Variants in LIPE observed in about 807,000 individuals in gnomAD.
LIPE encodes the protein hormone-sensitive lipase.
Under a neutral mutation model 88.5 loss-of-function variants are expected in LIPE, and 66 were observed. The observed-to-expected ratio is 0.75, with a 90% CI of 0.61 to 0.91. The LOEUF (loss-of-function observed/expected upper bound fraction) is 0.91. Ranked by LOEUF, LIPE falls within the 40% of genes least tolerant of loss-of-function variation. The pLI, the probability that LIPE is intolerant of heterozygous loss-of-function variation, is 0.00. For synonymous variants in LIPE, 570 were observed against 617.5 expected (o/e 0.92, Z 1.14); for missense variants, 1,346 against 1,434.7 (o/e 0.94, Z 1.00).
chr19:42,423,332 T>C, intron 1 of LIPE: 2 of 1,034,866 alleles, frequency 1.9e-6, no homozygotes, highest in Admixed American at 2.6e-5. Flanking sequence ...CAACTCCCTG[T>C]GGCAGTGGGC....
chr19:42,408,113 C>T lies in LIPE; in HGVS notation c.1519G>A (p.Ala507Thr), dbSNP rs747278078. 25 of 1,613,698 alleles carry T rather than the reference C, an allele frequency of 1.5e-5. No individual in the cohort carries two copies. Among genetic ancestry groups the T allele is most frequent in the Non-Finnish European group, 1.9e-5 (23 of 1,179,926 alleles). The stretch of plus-strand genomic sequence containing the variant: ...CGGCCGCTGGTGAAGAGAGAGCTGG[C>T]GGCCACACCTAGGGGTCAGAAGGGG... Reference protein sequence around the residue: ...KRNETGLSVAASSLFTSGRFA... With the variant: ...KRNETGLSVATSSLFTSGRFA... The change falls in exon 4 of 10, where the codon GCC becomes ACC. Residue 507 changes from alanine (A) to threonine (T), a missense_variant. Transcript: ENST00000244289. This position sits in a 1 kb window ranked among gnomAD's most constrained non-coding sequence, Gnocchi z 4.3.
chr19:42,426,591 G>A lies in LIPE; in HGVS notation c.559C>T (p.Gln187Ter). Residue 187 changes from glutamine (Q) to a stop codon, truncating the protein, a stop_gained, in exon 1 of 10, where the codon CAA becomes TAA. Coordinates refer to ENST00000244289, the MANE Select transcript of LIPE (RefSeq NM_005357.4). LOFTEE classifies it high-confidence loss of function. ...SQETPEQSDK[Q>*]TTPVQGAKSK... ...TTGGCTCCCTGGACTGGCGTTGTTTGCTTGTCTGACTGTTCAGGTGTCTCT... is the reference window on the plus strand; with the variant it reads ...TTGGCTCCCTGGACTGGCGTTGTTTACTTGTCTGACTGTTCAGGTGTCTCT... The A allele has an allele frequency of 1.9e-6, 3 of 1,614,220 alleles. No homozygotes were observed. The highest frequency in any genetic ancestry group is 2.5e-6 in the Non-Finnish European group (3 of 1,180,038).
rs1284962495 is a variant in LIPE, at chr19:42,410,566, A to G, written c.1160T>C (p.Leu387Pro). The change falls in exon 2 of 10, where the codon CTC becomes CCC. Residue 387 changes from leucine to proline, a missense_variant. By Grantham distance (98) the Leu-to-Pro change is moderately conservative. Coordinates refer to ENST00000244289, the MANE Select transcript of LIPE (RefSeq NM_005357.4). This position sits in a 1 kb window ranked among gnomAD's most constrained non-coding sequence, Gnocchi z 6.1. ...VHTARCCLAH[L>P]LHKSRYVASN... ...GGCCACATAGCGGGATTTGTGCAGG[A>G]GGTGCGCCAGGCAGCAGCGGGCTGT... is the stretch of plus-strand genomic sequence containing the variant. The G allele has an allele frequency of 1.2e-6, 2 of 1,612,854 alleles. No homozygotes were observed. Among genetic ancestry groups the G allele is most frequent in the East Asian group, 2.2e-5 (1 of 44,866 alleles).
At position 42,426,433 on chromosome 19, in the gene LIPE, T is replaced by A. The variant is rs1271244586; in HGVS notation, c.717A>T (p.Gly239=). Residue 239 remains glycine (G), a synonymous_variant, in exon 1 of 10, where the codon GGA becomes GGT. Transcript: ENST00000244289. ...VTDSESESDV[G]SSSDTDSPAT... is the part of the protein sequence containing the mutation. ...CTGGAGAATCTGTGTCTGAAGATGATCCCACATCTGATTCTGACTCAGAAT... is the reference window on the plus strand; with the variant it reads ...CTGGAGAATCTGTGTCTGAAGATGAACCCACATCTGATTCTGACTCAGAAT... 6.2e-7 allele frequency: 1 copy of A among 1,613,946 alleles called. No individual in the cohort carries two copies. Among genetic ancestry groups the A allele is most frequent in the Non-Finnish European group, 8.5e-7 (1 of 1,179,954 alleles).
chr19:42,402,338 C>T (rs2040006761), intron 9 of LIPE, among the ~76,000 whole-genome samples: 1 of 151,928 alleles, frequency 6.6e-6, no homozygotes, highest in African/African-American at 2.4e-5. Context: ...CCAAACCCAC[C>T]TTTTTTTTCT....
rs2040030177 is a variant in LIPE, at chr19:42,402,855, A to G, written c.2719T>C (p.Ser907Pro). Residue 907 changes from serine (S) to proline (P), a missense_variant, in exon 9 of 10, where the codon TCC (serine) becomes CCC (proline). Transcript: ENST00000244289. ...SAETLSPSTP[S>P]DVNFLLPPED... ...GGTGGTAATAAGAAGTTGACATCGG[A>G]GGGTGTGGAGGGGCTAAGTGTCTCA... 1 of 1,612,536 alleles carries G rather than the reference A, an allele frequency of 6.2e-7. No individual in the cohort carries two copies. The highest frequency in any genetic ancestry group is 1.3e-5 in the African/African-American group (1 of 74,374).
Position 42,403,029 on chromosome 19 carries a change from G to A in LIPE, c.2545C>T (p.Pro849Ser). Residue 849 changes from proline (P) to serine (S), a missense_variant and splice_region_variant, in exon 9 of 10, where the codon CCG becomes TCG. Transcript: ENST00000244289. ...GCTTCAGACACACTGCGGCGCATCG[G>A]CTCTGAGAGAGGGAGAGCAGATAGG... is the stretch of plus-strand genomic sequence containing the variant. Reference protein sequence around the residue: ...SQKMSEPIAEPMRRSVSEAAL... With the variant: ...SQKMSEPIAESMRRSVSEAAL... 2.6e-6 allele frequency: 4 copies of A among 1,550,526 alleles called. No individual in the cohort carries two copies. Among genetic ancestry groups the A allele is most frequent in the Admixed American group, 1.8e-5 (1 of 54,534 alleles).
rs1420241605 is a variant in LIPE, at chr19:42,410,658, C to G, written c.1068G>C (p.Leu356=). The G allele has an allele frequency of 3.1e-6, 5 of 1,612,410 alleles. No homozygotes were observed. The highest frequency in any genetic ancestry group is 3.3e-5 in the Admixed American group (2 of 59,904). Residue 356 remains leucine, a synonymous_variant, in exon 2 of 10, where the codon CTG becomes CTC. Coordinates refer to ENST00000244289, the MANE Select transcript of LIPE (RefSeq NM_005357.4). The surrounding 1 kb of genome is among the most constrained non-coding windows in gnomAD (Gnocchi z 6.1). ...CCAGGTCAAAGAGGTGCGCCACACC[C>G]AGCAGGCGGCCCAGGGCCGGCTCCA... The part of the protein sequence containing the change: ...LGLEPALGRL[L]GVAHLFDLDP...
At position 42,401,830 on chromosome 19, in the gene LIPE, G is replaced by GACCCCC; in HGVS notation, c.3212_3213insGGGGGT (p.Gly1071_Cys1072insGlyVal). ...CAGGCTTTTAGTGTCGCCCCCCGCAGCCCCCGTCTACCCCCGCAGCCCCCG... is the reference window on the plus strand; with the variant it reads ...CAGGCTTTTAGTGTCGCCCCCCGCAGACCCCCCCCCCGTCTACCCCCGCAGCCCCCG... On this transcript the variant is annotated inframe_insertion, in exon 10 of 10. Transcript: ENST00000244289. The GACCCCC allele has an allele frequency of 1.2e-6, 1 of 838,112 alleles. No homozygotes were observed. Among genetic ancestry groups the GACCCCC allele is most frequent in the Non-Finnish European group, 1.7e-6 (1 of 574,050 alleles). 51.9% of individuals were successfully genotyped at this position (838,112 alleles called of 1,614,324 possible). A position where few individuals can be genotyped will look rare whatever the true frequency, so the allele number is the denominator to read the frequency against.
At chr19:42,423,634 ACCCAAT>A (rs1456370152) in intron 1 of LIPE, 1 of 1,171,082 alleles carries the variant, frequency 8.5e-7, no homozygotes, top group African/African-American at 1.6e-5. Flanking sequence ...CCCCCCTATT[ACCCAAT>A]CCCGAGCTTG....
At position 42,427,216 on chromosome 19, in the gene LIPE, C is replaced by T; in HGVS notation, c.-67G>A. ...TCCTTCTGGGCTCCCACCCAGCCCTCTCTCTTCACAGATCTCTCATTGATT... is the reference window on the plus strand; with the variant it reads ...TCCTTCTGGGCTCCCACCCAGCCCTTTCTCTTCACAGATCTCTCATTGATT... On this transcript the variant is annotated 5_prime_UTR_variant, in exon 1 of 10. Transcript: ENST00000244289. 6.7e-7 allele frequency: 1 copy of T among 1,501,574 alleles called. No homozygotes were observed. Among genetic ancestry groups the T allele is most frequent in the Non-Finnish European group, 8.8e-7 (1 of 1,130,790 alleles). 93.0% of individuals were successfully genotyped at this position (1,501,574 alleles called of 1,614,324 possible). A position where few individuals can be genotyped will look rare whatever the true frequency, so the allele number is the denominator to read the frequency against.
At chr19:42,423,669 T>G (rs1380451172) in intron 1 of LIPE, 2 of 1,152,780 alleles carry the variant, frequency 1.7e-6, no homozygotes, top group Non-Finnish European at 2.2e-6. Context: ...TGGGTCCAGC[T>G]CCCTAACCAA....
chr19:42,406,502 C>T lies in LIPE; in HGVS notation c.2138-114G>A, dbSNP rs1009328700. 1.1e-5 allele frequency: 9 copies of T among 806,238 alleles called. No individual in the cohort carries two copies. The highest frequency in any genetic ancestry group is 3.2e-5 in the South Asian group (2 of 62,176). 49.9% of individuals were successfully genotyped at this position (806,238 alleles called of 1,614,324 possible). The stretch of plus-strand genomic sequence containing the variant: ...GGGCTCTCCAAGGTGGGGTGTGGGG[C>T]ACTCCAAGGCCTAGCAGACTGCAGT... On this transcript the variant is annotated intron_variant, in intron 6 of 9. Coordinates refer to ENST00000244289, the MANE Select transcript of LIPE (RefSeq NM_005357.4). This position sits in a 1 kb window ranked among gnomAD's most constrained non-coding sequence, Gnocchi z 5.7.
chr19:42,418,735 A>G (rs2040538702), intron 1 of LIPE, among the ~76,000 whole-genome samples: 1 of 152,220 alleles, frequency 6.6e-6, no homozygotes, highest in Admixed American at 6.5e-5. Flanking sequence ...TAGTGTAAAC[A>G]TAACTTTTCT....
rs368887198 is a variant in LIPE, at chr19:42,424,439, G to A, written c.883+1828C>T. ...AGGCAACCTCGCCCGCCGCGGTGGTGTGGGGCGGGCATCCCTTGAGACTGT... is the reference window on the plus strand; with the variant it reads ...AGGCAACCTCGCCCGCCGCGGTGGTATGGGGCGGGCATCCCTTGAGACTGT... On this transcript the variant is annotated intron_variant, in intron 1 of 9. Transcript: ENST00000244289. The A allele has an allele frequency of 1.5e-4, 67 of 456,256 alleles. 1 individual carries two copies. In the East Asian group the frequency reaches 2.9e-3, roughly 19 times the overall value. The allele number at this position is 456,256 out of a possible 1,614,324, so 28.3% of individuals were successfully genotyped here. A position where few individuals can be genotyped will look rare whatever the true frequency, so the allele number is the denominator to read the frequency against.
At chr19:42,420,962 G>A (rs143781473) in intron 1 of LIPE, among the ~76,000 whole-genome samples, 2 of 151,994 alleles carry the variant, frequency 1.3e-5, no homozygotes, top group East Asian at 1.9e-4. Flanking sequence ...AGAGTGGTGC[G>A]ATCACAGCTC....
intron 1 of LIPE, among the ~76,000 whole-genome samples, chr19:42,411,102 G>A (rs889396767): frequency 1.3e-5 from 2 of 152,096 alleles, no homozygotes; most frequent in African/African-American, 4.8e-5. Flanking sequence ...TGGGCCCTCA[G>A]CTCCCTCCTC....
chr19:42,424,015 C>T (rs1034385813), intron 1 of LIPE: 2 of 1,178,400 alleles, frequency 1.7e-6, no homozygotes, highest in African/African-American at 1.6e-5. Flanking sequence ...GGGGTGGGGG[C>T]GGGCCAGGTC....
chr19:42,426,778 T>TA lies in LIPE; in HGVS notation c.371dup (p.Thr125AsnfsTer30). On this transcript the variant is annotated frameshift_variant, in exon 1 of 10. Transcript: ENST00000244289. LOFTEE classifies it high-confidence loss of function. ...GTCTCAATGCTGGCTCCTGTTGAGT[T>TA]ATAGATTCTTTTCCTAGCCCAGGTC... The TA allele has an allele frequency of 6.2e-7, 1 of 1,614,094 alleles. No individual in the cohort carries two copies. The highest frequency in any genetic ancestry group is 2.2e-5 in the East Asian group (1 of 44,874).
Sources: gnomAD v4.1 joint callset for allele counts (sites outside exome capture counted in the v4.1 genomes callset) on GRCh38, gnomAD v4.1.1 for gene constraint, Gnocchi (gnomAD v3.1) non-coding constraint, MANE v1.5 for transcripts, NCBI Gene and HGNC (gene_info 2026-07-23, HGNC 2026-07-21) for gene names.